The following SYT1 variants were observed in gnomAD, a reference collection of about 807,000 sequenced individuals.
The protein encoded by SYT1 is synaptotagmin 1.
A neutral mutation model predicts 44.8 loss-of-function variants in SYT1; 8 were observed. That is an observed-to-expected ratio of 0.18 (90% CI 0.10 to 0.32). The LOEUF (loss-of-function observed/expected upper bound fraction) is 0.32, where lower values mean the gene tolerates loss of function less well. SYT1 is among the 10% of genes least tolerant of loss of function. The pLI, the probability that SYT1 is intolerant of heterozygous loss-of-function variation, is 1.00. For synonymous variants in SYT1, 154 were observed against 188.8 expected, an observed-to-expected ratio of 0.82 and a Z score of 1.51; for missense variants, 286 against 509.3, an observed-to-expected ratio of 0.56 and a Z score of 4.22.
intron 9 of SYT1, among the ~76,000 whole-genome samples, chr12:79,363,307 T>A (rs925072152): frequency 6.6e-6 from 1 of 152,122 alleles, no homozygotes; most frequent in African/African-American, 2.4e-5. Flanking sequence ...TCCCCCTTCC[T>A]TTTACAAAGG....
At chr12:79,040,592 T>C (rs1411914079) in intron 2 of SYT1, among the ~76,000 whole-genome samples, 2 of 152,006 alleles carry the variant, frequency 1.3e-5, no homozygotes, top group African/African-American at 2.4e-5. Flanking sequence ...ACTCTGATGG[T>C]AGTTTCTTTT....
intron 3 of SYT1, among the ~76,000 whole-genome samples, chr12:79,160,181 A>T (rs1167472595): frequency 6.6e-6 from 1 of 152,068 alleles, no homozygotes; most frequent in Non-Finnish European, 1.5e-5. Flanking sequence ...AAGATGGCTG[A>T]TGAGGTAATG....
At chr12:79,375,719 A>G (rs1032646521) in intron 9 of SYT1, among the ~76,000 whole-genome samples, 2 of 152,210 alleles carry the variant, frequency 1.3e-5, no homozygotes, top group African/African-American at 4.8e-5. Context: ...ATAGTGTCAC[A>G]ACTGGTAATA....
At chr12:79,164,882 T>C (rs1230414623) in intron 3 of SYT1, among the ~76,000 whole-genome samples, 1 of 152,058 alleles carries the variant, frequency 6.6e-6, no homozygotes, top group Non-Finnish European at 1.5e-5. Flanking sequence ...GGGAGATTTA[T>C]CCCTGTAGTT....
At chr12:79,239,455 A>G (rs765412617) in intron 4 of SYT1, among the ~76,000 whole-genome samples, 8 of 152,248 alleles carry the variant, frequency 5.3e-5, no homozygotes, top group Non-Finnish European at 1.2e-4. Flanking sequence ...TATGGACTTT[A>G]GTTAACAATA....
intron 3 of SYT1, among the ~76,000 whole-genome samples, chr12:79,130,017 T>A (rs75618936): frequency 0.024 from 3,655 of 152,288 alleles, 119 homozygotes; most frequent in South Asian, 0.11. Flanking sequence ...AGTTTGCAGA[T>A]CTTTATCAGA....
At chr12:79,040,020 C>G (rs1216804016) in intron 2 of SYT1, among the ~76,000 whole-genome samples, 1 of 151,320 alleles carries the variant, frequency 6.6e-6, no homozygotes, top group African/African-American at 2.4e-5. Context: ...TCCAGTCTAT[C>G]ATTGTTGGAC....
At chr12:79,055,028 G>A (rs1874828409) in intron 3 of SYT1, among the ~76,000 whole-genome samples, 1 of 151,852 alleles carries the variant, frequency 6.6e-6, no homozygotes. Flanking sequence ...TACTGGCTTT[G>A]AAAATTCTCT....
At chr12:79,131,390 TTTTGTTTG>T (rs773777466) in intron 3 of SYT1, among the ~76,000 whole-genome samples, 1 of 152,184 alleles carries the variant, frequency 6.6e-6, no homozygotes, top group Middle Eastern at 3.4e-3. Flanking sequence ...ACAAGGGTTT[TTTTGTTTG>T]TTTGTTTGTT....
intron 1 of SYT1, among the ~76,000 whole-genome samples, chr12:78,899,187 T>C (rs1056373420): frequency 6.6e-6 from 1 of 152,104 alleles, no homozygotes; most frequent in African/African-American, 2.4e-5. Flanking sequence ...AGCATTTAAC[T>C]TTCTTAATAA....
rs373248648 is a variant in SYT1, at chr12:79,362,329, T to C, written c.928+8710T>C. Among the ~76,000 whole-genome samples, 7 of 152,254 alleles carry C rather than the reference T, an allele frequency of 4.6e-5. 1 individual carries two copies. Among genetic ancestry groups the C allele is most frequent in the Admixed American group, 3.3e-4 (5 of 15,290 alleles). On this transcript the variant is annotated intron_variant, in intron 9 of 10. Coordinates refer to ENST00000261205, the MANE Select transcript of SYT1 (RefSeq NM_005639.3). ...ACACTAAAAGGAAAACGTGACCCAA[T>C]TTAGAGTATAGAGTAATAGGATCAA... is the stretch of plus-strand genomic sequence containing the variant.
chr12:79,209,411 G>T (rs182633788), intron 3 of SYT1, among the ~76,000 whole-genome samples: 1 of 152,244 alleles, frequency 6.6e-6, no homozygotes, highest in Non-Finnish European at 1.5e-5. Flanking sequence ...TAGTTTACTA[G>T]GAAATGTTCT....
At chr12:79,179,456 A>ATCTATATAT (rs10643941) in intron 3 of SYT1, among the ~76,000 whole-genome samples, 69 of 86,448 alleles carry the variant, frequency 8.0e-4, no homozygotes, top group South Asian at 2.3e-3. Flanking sequence ...ATATAGATAT[A>ATCTATATAT]ATCTATATAG....
At chr12:79,306,090 G>A (rs900283705) in intron 8 of SYT1, among the ~76,000 whole-genome samples, 3 of 152,200 alleles carry the variant, frequency 2.0e-5, no homozygotes, top group Non-Finnish European at 2.9e-5. Context: ...TTGCCACTAA[G>A]AGAGTGCAAG....
chr12:79,313,983 C>A (rs996820925), intron 8 of SYT1, among the ~76,000 whole-genome samples: 2 of 149,016 alleles, frequency 1.3e-5, no homozygotes, highest in Non-Finnish European at 2.9e-5. Context: ...TCCTGGTTAA[C>A]ACGGTGAAAC....
chr12:79,132,138 T>C (rs1456881551), intron 3 of SYT1, among the ~76,000 whole-genome samples: 1 of 152,082 alleles, frequency 6.6e-6, no homozygotes, highest in Non-Finnish European at 1.5e-5. Context: ...TGCAAAGGAC[T>C]AAATAAACAT....
intron 3 of SYT1, among the ~76,000 whole-genome samples, chr12:79,064,760 C>G (rs1487636352): frequency 6.6e-6 from 1 of 151,190 alleles, no homozygotes; most frequent in Non-Finnish European, 1.5e-5. Context: ...CTAATTTACA[C>G]CAGCACTTCC....
chr12:79,067,826 A>C (rs1875980384), intron 3 of SYT1, among the ~76,000 whole-genome samples: 1 of 152,218 alleles, frequency 6.6e-6, no homozygotes, highest in African/African-American at 2.4e-5. Flanking sequence ...CCCTAGGATC[A>C]AGCTGCCATG....
At chr12:79,405,198 T>G (rs891579445) in intron 9 of SYT1, among the ~76,000 whole-genome samples, 5 of 152,186 alleles carry the variant, frequency 3.3e-5, no homozygotes, top group African/African-American at 9.6e-5. Flanking sequence ...TTCTTCTTGA[T>G]CAAATGAAAT....
Sources: gnomAD v4.1 joint callset for allele counts (sites outside exome capture counted in the v4.1 genomes callset) on GRCh38, gnomAD v4.1.1 for gene constraint, MANE v1.5 for transcripts, NCBI Gene and HGNC (gene_info 2026-07-23, HGNC 2026-07-21) for gene names.